The following TBL1XR1 variants were observed in gnomAD, a reference collection of about 807,000 sequenced individuals.
TBL1XR1 encodes the protein F-box-like/WD repeat-containing protein TBL1XR1.
A neutral mutation model predicts 66.9 loss-of-function variants in TBL1XR1; 5 were observed. The observed-to-expected ratio is 0.07, with a 90% CI of 0.04 to 0.16. The LOEUF is 0.16. TBL1XR1 is among the 10% of genes least tolerant of loss of function. The probability of loss-of-function intolerance (pLI) is 1.00; values close to 1 mark genes in which losing one functional copy is unlikely to be tolerated. For synonymous variants in TBL1XR1, 210 were observed against 206.0 expected (o/e 1.02, Z -0.17); for missense variants, 238 against 623.2 (o/e 0.38, Z 6.58).
chr3:177,066,810 T>C (rs1016251989), intron 2 of TBL1XR1, among the ~76,000 whole-genome samples: 6 of 152,170 alleles, frequency 3.9e-5, no homozygotes, highest in Non-Finnish European at 7.4e-5. Context: ...GGTTTCTCTC[T>C]GGACAACTGA....
intron 1 of TBL1XR1, among the ~76,000 whole-genome samples, chr3:177,100,604 T>C (rs1245868793): frequency 1.3e-5 from 2 of 152,206 alleles, no homozygotes; most frequent in East Asian, 3.9e-4. Flanking sequence ...TTGGTATTTT[T>C]AGTAGAGACG....
intron 14 of TBL1XR1, among the ~76,000 whole-genome samples, chr3:177,029,427 C>T (rs1253775317): frequency 6.6e-6 from 1 of 152,040 alleles, no homozygotes; most frequent in Non-Finnish European, 1.5e-5. Flanking sequence ...TGAGGCCAGA[C>T]TGGGCAACAT....
At chr3:177,128,269 A>G (rs1173128129) in intron 1 of TBL1XR1, among the ~76,000 whole-genome samples, 1 of 152,210 alleles carries the variant, frequency 6.6e-6, no homozygotes, top group African/African-American at 2.4e-5. Context: ...TGTAATTTAA[A>G]ACATTAGAAC....
chr3:177,127,455 C>T (rs1345027108), intron 1 of TBL1XR1, among the ~76,000 whole-genome samples: 2 of 152,284 alleles, frequency 1.3e-5, no homozygotes, highest in East Asian at 3.9e-4. Context: ...AACCTAAAAA[C>T]ACAGTATCTG....
intron 1 of TBL1XR1, among the ~76,000 whole-genome samples, chr3:177,182,787 C>T (rs907492078): frequency 2.6e-5 from 4 of 152,144 alleles, no homozygotes; most frequent in Non-Finnish European, 4.4e-5. Flanking sequence ...AATCTTCAAT[C>T]AAATAGTGTA....
At chr3:177,119,226 G>C (rs530657987) in intron 1 of TBL1XR1, among the ~76,000 whole-genome samples, 1 of 152,272 alleles carries the variant, frequency 6.6e-6, no homozygotes, top group Non-Finnish European at 1.5e-5. Context: ...ACCCACCTCA[G>C]CCTCCCAAAG....
intron 1 of TBL1XR1, among the ~76,000 whole-genome samples, chr3:177,102,391 TTTTA>T (rs924084649): frequency 6.6e-6 from 1 of 152,198 alleles, no homozygotes; most frequent in Admixed American, 6.5e-5. Flanking sequence ...GACCATATTT[TTTTA>T]TTTCTTAGAT....
chr3:177,195,393 C>A (rs1414223280), intron 1 of TBL1XR1, among the ~76,000 whole-genome samples: 1 of 145,258 alleles, frequency 6.9e-6, no homozygotes, highest in African/African-American at 2.5e-5. Context: ...CAACCCACAC[C>A]ATGTTTTCGG....
At chr3:177,169,481 A>T (rs1360096888) in intron 1 of TBL1XR1, among the ~76,000 whole-genome samples, 3 of 152,358 alleles carry the variant, frequency 2.0e-5, no homozygotes, top group African/African-American at 7.2e-5. Context: ...CATGGCAGAT[A>T]CATGGAATAA....
chr3:177,199,748 C>G (rs1363411590), upstream of TBL1XR1, among the ~76,000 whole-genome samples: 39 of 152,296 alleles, frequency 2.6e-4, no homozygotes, highest in Admixed American at 1.6e-3. Context: ...TACCCTACAC[C>G]AAGCTGCCTC....
At chr3:177,046,598 G>A (rs912373395) in intron 9 of TBL1XR1, among the ~76,000 whole-genome samples, 5 of 152,140 alleles carry the variant, frequency 3.3e-5, no homozygotes, top group African/African-American at 1.2e-4. Context: ...ACCCAAAAAG[G>A]CAGCTTGAAT....
At chr3:177,158,724 T>C (rs978088137) in intron 1 of TBL1XR1, among the ~76,000 whole-genome samples, 12 of 152,142 alleles carry the variant, frequency 7.9e-5, no homozygotes, top group African/African-American at 2.9e-4. Flanking sequence ...TAGAAAATCA[T>C]CTGTGGCGCT....
At chr3:177,129,650 T>C (rs1728048924) in intron 1 of TBL1XR1, among the ~76,000 whole-genome samples, 1 of 152,188 alleles carries the variant, frequency 6.6e-6, no homozygotes, top group South Asian at 2.1e-4. Flanking sequence ...TCACCATCTG[T>C]AGTCTGTACC....
chr3:177,049,556 CA>C (rs1470208535), intron 7 of TBL1XR1, among the ~76,000 whole-genome samples: 1 of 152,162 alleles, frequency 6.6e-6, no homozygotes, highest in East Asian at 1.9e-4. Context: ...TCTACCAGTT[CA>C]CAGAATACAG....
At chr3:177,103,592 A>G (rs1206399702) in intron 1 of TBL1XR1, among the ~76,000 whole-genome samples, 1 of 152,226 alleles carries the variant, frequency 6.6e-6, no homozygotes, top group African/African-American at 2.4e-5. Flanking sequence ...ACTGTTCTTC[A>G]AAAATACTAC....
At chr3:177,086,410 T>C (rs909567252) in intron 2 of TBL1XR1, among the ~76,000 whole-genome samples, 5 of 151,688 alleles carry the variant, frequency 3.3e-5, no homozygotes, top group African/African-American at 1.2e-4. Context: ...AATACAGACA[T>C]GAAACGGTGG....
chr3:177,051,876 A>T, intron 4 of TBL1XR1, 150 bp from the exon 5 acceptor site: 1 of 1,006,460 alleles, frequency 9.9e-7, no homozygotes, highest in Non-Finnish European at 1.4e-6. Context: ...GTCCGGAGGG[A>T]ATAAAGAAAC....
chr3:177,165,149 A>G (rs1732673749), intron 1 of TBL1XR1, among the ~76,000 whole-genome samples: 1 of 152,174 alleles, frequency 6.6e-6, no homozygotes, highest in Non-Finnish European at 1.5e-5. Context: ...TACACAGAAA[A>G]TCTGAAAGAA....
At chr3:177,089,990 C>T (rs1009636339) in intron 2 of TBL1XR1, among the ~76,000 whole-genome samples, 23 of 152,086 alleles carry the variant, frequency 1.5e-4, no homozygotes, top group Admixed American at 1.5e-3. Context: ...AAAGAGGGAA[C>T]CTCGTATATT....
Sources: allele counts gnomAD v4.1 joint callset (sites outside exome capture counted in the v4.1 genomes callset), GRCh38; gene constraint gnomAD v4.1.1; transcripts MANE v1.5; gene names NCBI Gene and HGNC (gene_info 2026-07-23, HGNC 2026-07-21).